Variants in LRRC7 observed in about 807,000 individuals in gnomAD.
LRRC7 encodes leucine-rich repeat-containing protein 7.
A neutral mutation model predicts 175.7 loss-of-function variants in LRRC7; 23 were observed. That is an observed-to-expected ratio of 0.13 (90% CI 0.09 to 0.19). LRRC7 has a LOEUF of 0.19. LRRC7 is among the 10% of genes least tolerant of loss of function. The pLI is 1.00. For synonymous variants in LRRC7, 685 were observed against 680.9 expected, an observed-to-expected ratio of 1.01 and a Z score of -0.09; for missense variants, 1,354 against 1,904.7, an observed-to-expected ratio of 0.71 and a Z score of 5.38.
At chr1:69,610,292 A>G (rs1648497796) in intron 1 of LRRC7, among the ~76,000 whole-genome samples, 2 of 152,074 alleles carry the variant, frequency 1.3e-5, no homozygotes, top group South Asian at 2.1e-4. Flanking sequence ...GTTAGATCTA[A>G]AAGCTCAATG....
chr1:70,098,285 A>T (rs1177004536), intron 25 of LRRC7, among the ~76,000 whole-genome samples: 2 of 152,186 alleles, frequency 1.3e-5, no homozygotes, highest in Non-Finnish European at 2.9e-5. Flanking sequence ...GAACAAAGAC[A>T]CAACATACCA....
chr1:69,759,101 G>T (rs937808559), intron 2 of LRRC7, among the ~76,000 whole-genome samples: 1 of 151,948 alleles, frequency 6.6e-6, no homozygotes, highest in African/African-American at 2.4e-5. Flanking sequence ...TGGGAACTCA[G>T]AGAAAGATGC....
chr1:69,713,753 G>A (rs749065066), intron 2 of LRRC7, among the ~76,000 whole-genome samples: 23 of 151,008 alleles, frequency 1.5e-4, no homozygotes, highest in African/African-American at 2.2e-4. Context: ...ATGGCATCTC[G>A]TATGAAACTG....
intron 1 of LRRC7, among the ~76,000 whole-genome samples, chr1:69,674,864 G>A (rs1659563852): frequency 6.6e-6 from 1 of 151,770 alleles, no homozygotes; most frequent in Admixed American, 6.6e-5. Flanking sequence ...CCAAATATAT[G>A]GAACATTTAA....
At chr1:70,104,867 T>C (rs1192474821) in intron 25 of LRRC7, among the ~76,000 whole-genome samples, 1 of 152,198 alleles carries the variant, frequency 6.6e-6, no homozygotes, top group Non-Finnish European at 1.5e-5. Flanking sequence ...TCTGGATTCA[T>C]ACAAACATTA....
intron 24 of LRRC7, among the ~76,000 whole-genome samples, chr1:70,080,770 A>G (rs899521089): frequency 2.6e-5 from 4 of 152,178 alleles, no homozygotes; most frequent in Non-Finnish European, 5.9e-5. Flanking sequence ...TTAGTGCATA[A>G]ACCGTTTAGA....
chr1:69,866,560 T>C (rs1224550860), intron 7 of LRRC7, among the ~76,000 whole-genome samples: 2 of 152,342 alleles, frequency 1.3e-5, no homozygotes, highest in East Asian at 3.9e-4. Context: ...TTCCTAAATC[T>C]TCTTGCTATA....
intron 5 of LRRC7, 45 bp from the exon 6 acceptor site, chr1:69,834,735 T>C: frequency 1.4e-6 from 2 of 1,410,624 alleles, no homozygotes; most frequent in Non-Finnish European, 2.0e-6. Context: ...GTTCTGTTTC[T>C]ATAGCAACAT....
At chr1:70,065,602 A>G (rs924010089) in intron 23 of LRRC7, among the ~76,000 whole-genome samples, 3 of 151,976 alleles carry the variant, frequency 2.0e-5, no homozygotes, top group Non-Finnish European at 4.4e-5. Flanking sequence ...TTAGTTATCC[A>G]TGAATACAGA....
intron 3 of LRRC7, among the ~76,000 whole-genome samples, chr1:69,760,675 AG>A (rs1302645916): frequency 6.6e-6 from 1 of 151,970 alleles, no homozygotes; most frequent in Non-Finnish European, 1.5e-5. Context: ...AATATAGAGT[AG>A]AGGGTTGAGA....
Position 70,126,577 on chromosome 1 carries a change from T to TG in LRRC7, c.*4691dup, listed in dbSNP as rs781033846. Among the ~76,000 whole-genome samples, 1 of 152,234 alleles carries TG rather than the reference T, an allele frequency of 6.6e-6. No individual in the cohort carries two copies. Among genetic ancestry groups the TG allele is most frequent in the Non-Finnish European group, 1.5e-5 (1 of 68,024 alleles). On this transcript the variant is annotated 3_prime_UTR_variant, in exon 27 of 27. Transcript: ENST00000651989. The stretch of plus-strand genomic sequence containing the variant: ...CCACCTTCTGTTAAGAAAAGCATCT[T>TG]GCCTTGGCTCAGAATATTTCCCATC...
intron 1 of LRRC7, 46 bp downstream of exon 1, chr1:69,568,687 C>CGCGTG (rs1645600338): frequency 1.1e-5 from 14 of 1,315,684 alleles, no homozygotes; most frequent in Admixed American, 2.2e-5. Context: ...CTGCGGGGGC[C>CGCGTG]CGGCCGCGGC....
intron 8 of LRRC7, among the ~76,000 whole-genome samples, chr1:69,954,971 A>G (rs905694113): frequency 1.4e-4 from 22 of 152,090 alleles, no homozygotes; most frequent in Admixed American, 9.9e-4. Context: ...TCATTCTTAC[A>G]TGGAAGAGAG....
At chr1:70,002,006 T>TTA (rs927013594) in intron 11 of LRRC7, among the ~76,000 whole-genome samples, 2 of 152,082 alleles carry the variant, frequency 1.3e-5, no homozygotes, top group African/African-American at 2.4e-5. Flanking sequence ...TGATGCGTCT[T>TTA]TATATATATA....
At chr1:69,722,655 C>T (rs185714602) in intron 2 of LRRC7, among the ~76,000 whole-genome samples, 48 of 152,150 alleles carry the variant, frequency 3.2e-4, no homozygotes, top group African/African-American at 1.0e-3. Flanking sequence ...TCATTTTTCT[C>T]GTTCTGCCAG....
intron 1 of LRRC7, among the ~76,000 whole-genome samples, chr1:69,664,663 C>G (rs1200825574): frequency 1.3e-5 from 2 of 152,074 alleles, no homozygotes. Flanking sequence ...ATTAGATTTT[C>G]CTATCATATT....
chr1:69,999,559 A>G lies in LRRC7; in HGVS notation c.1004+4926A>G, dbSNP rs564701455. 6.6e-5 allele frequency among the ~76,000 whole-genome samples: 10 copies of G among 152,306 alleles called. No homozygotes were observed. In the South Asian group the frequency reaches 2.1e-3, roughly 32 times the overall value. On this transcript the variant is annotated intron_variant, in intron 11 of 26. Coordinates refer to ENST00000651989, the MANE Select transcript of LRRC7 (RefSeq NM_001370785.2). ...TCATTGCTTCAATTGGCCATCATCA[A>G]TATAGCCAATATAATAATGGAACTG...
At chr1:70,057,747 G>T (rs1661263743) in intron 23 of LRRC7, among the ~76,000 whole-genome samples, 1 of 152,124 alleles carries the variant, frequency 6.6e-6, no homozygotes, top group Non-Finnish European at 1.5e-5. Context: ...GGCCATGCCA[G>T]CCAGTACTTC....
chr1:69,654,345 G>T (rs1656301095), intron 1 of LRRC7, among the ~76,000 whole-genome samples: 1 of 152,016 alleles, frequency 6.6e-6, no homozygotes, highest in African/African-American at 2.4e-5. Context: ...AAATGCAAAT[G>T]AAATTTTGGG....
Sources: gnomAD v4.1 joint callset for allele counts (sites outside exome capture counted in the v4.1 genomes callset) on GRCh38, gnomAD v4.1.1 for gene constraint, MANE v1.5 for transcripts, NCBI Gene and HGNC (gene_info 2026-07-23, HGNC 2026-07-21) for gene names.